CEP43: variants seen among roughly 807,000 people sequenced by gnomAD.
The protein encoded by CEP43 is centrosomal protein 43, also known as FGFR1 oncogene partner.
Under a neutral mutation model 52.6 loss-of-function variants are expected in CEP43, and 36 were observed. That is an observed-to-expected ratio of 0.68 (90% CI 0.52 to 0.90). The LOEUF (loss-of-function observed/expected upper bound fraction) is 0.90, where lower values mean the gene tolerates loss of function less well. Among genes scored for constraint, CEP43 ranks in the 40% least tolerant of loss-of-function variants. CEP43 has a pLI of 0.00. For missense variants in CEP43, 506 were observed against 472.8 expected, an observed-to-expected ratio of 1.07 and a Z score of -0.65; for synonymous variants, 192 against 172.4, an observed-to-expected ratio of 1.11 and a Z score of -0.89.
intron 12 of CEP43, chr6:167,036,501 G>T (rs1008407909): frequency 2.0e-6 from 2 of 985,300 alleles, no homozygotes; most frequent in Admixed American, 1.2e-4. Flanking sequence ...AGGGCCACAC[G>T]TTCCTAAGGG....
At chr6:167,009,232 A>G (rs972566515) in intron 5 of CEP43, among the ~76,000 whole-genome samples, 1 of 152,064 alleles carries the variant, frequency 6.6e-6, no homozygotes, top group Non-Finnish European at 1.5e-5. Flanking sequence ...TCTCTACCAA[A>G]ATACAAAAAA....
At chr6:167,012,305 G>A (rs1201151505) in intron 6 of CEP43, among the ~76,000 whole-genome samples, 9 of 151,972 alleles carry the variant, frequency 5.9e-5, no homozygotes, top group Admixed American at 3.9e-4. Context: ...AACAACTATT[G>A]TATTGTTTAT....
At position 167,050,503 on chromosome 6, in the gene CEP43, G is replaced by GT. The variant is rs964192794; in HGVS notation, c.*10526dup. 1.3e-5 allele frequency: 2 copies of GT among 152,212 alleles called. No homozygotes were observed. Among genetic ancestry groups the GT allele is most frequent in the African/African-American group, 4.8e-5 (2 of 41,426 alleles). 9.4% of individuals were successfully genotyped at this position (152,212 alleles called of 1,614,324 possible). ...ATTGAAAATGGGGCATTGGCCAGGC[G>GT]TGGTGGCTCACGCCTGTAATCCCAG... On this transcript the variant is annotated 3_prime_UTR_variant, in exon 13 of 13. Coordinates refer to ENST00000366847, the MANE Select transcript of CEP43 (RefSeq NM_007045.4).
chr6:167,004,768 A>G (rs1283160919), intron 5 of CEP43, among the ~76,000 whole-genome samples: 2 of 152,214 alleles, frequency 1.3e-5, no homozygotes, highest in East Asian at 1.9e-4. Flanking sequence ...TGCATAAGCC[A>G]ACAGAAGCAC....
chr6:167,032,722 C>A, intron 11 of CEP43, 80 bp downstream of exon 11: 2 of 1,248,896 alleles, frequency 1.6e-6, no homozygotes, highest in Non-Finnish European at 2.2e-6. Context: ...GACAAAATTA[C>A]ATTTGGTGCT....
chr6:167,028,315 G>T (rs929916435), intron 10 of CEP43: 2 of 985,376 alleles, frequency 2.0e-6, no homozygotes, highest in South Asian at 9.4e-5. Context: ...TGCTGGGGCT[G>T]CAGAGTTGCT....
In CEP43 at chr6:167,041,579, G is replaced by C. The variant is rs2128669522; in HGVS notation, c.*1601G>C. On this transcript the variant is annotated 3_prime_UTR_variant, in exon 13 of 13. Transcript: ENST00000366847. ...CACTTTCTAAAAGCACTATAGTTCT[G>C]GTCCCCTGGAATCTGGATCACATGT... 9.5e-7 allele frequency: 1 copy of C among 1,048,488 alleles called. No homozygotes were observed. The highest frequency in any genetic ancestry group is 5.5e-5 in the Admixed American group (1 of 18,142). The allele number at this position is 1,048,488 out of a possible 1,614,324, so 64.9% of individuals were successfully genotyped here. A position where few individuals can be genotyped will look rare whatever the true frequency, so the allele number is the denominator to read the frequency against.
chr6:167,005,217 C>T (rs1297569790), intron 5 of CEP43, among the ~76,000 whole-genome samples: 1 of 152,114 alleles, frequency 6.6e-6, no homozygotes, highest in Admixed American at 6.5e-5. Flanking sequence ...ATTGATAAAG[C>T]TTGCCTGAGT....
At chr6:167,007,007 C>T (rs1269102377) in intron 5 of CEP43, among the ~76,000 whole-genome samples, 1 of 152,192 alleles carries the variant, frequency 6.6e-6, no homozygotes, top group African/African-American at 2.4e-5. Context: ...TCAAGTTCTT[C>T]TTGCTCACTT....
chr6:167,030,137 C>T (rs988991280), intron 10 of CEP43, among the ~76,000 whole-genome samples: 1 of 152,216 alleles, frequency 6.6e-6, no homozygotes, highest in African/African-American at 2.4e-5. Context: ...TTAGCTTGGG[C>T]TCAGAGGCCT....
chr6:167,020,769 C>T (rs906201203), intron 7 of CEP43, among the ~76,000 whole-genome samples: 2 of 151,918 alleles, frequency 1.3e-5, no homozygotes, highest in African/African-American at 4.8e-5. Context: ...ATTAGCCAAG[C>T]GTGGTGGCAC....
rs71032896 is a variant in CEP43, at chr6:167,033,099, C to CTT, written c.1028+485_1028+486dup. On this transcript the variant is annotated intron_variant, in intron 11 of 12. Coordinates refer to ENST00000366847, the MANE Select transcript of CEP43 (RefSeq NM_007045.4). ...TCTGCCCTAATAAGATTGCCATTCT[C>CTT]TTTTTTTTTTTTTTTTTTTTTTTTT... 2.2e-3 allele frequency among the ~76,000 whole-genome samples: 152 copies of CTT among 68,344 alleles called. 14 individuals carry two copies. The highest frequency in any genetic ancestry group is 7.2e-3 in the African/African-American group (133 of 18,346). 44.8% of individuals were successfully genotyped at this position (68,344 alleles called of 152,430 possible).
At chr6:167,029,498 A>G (rs1353405163) in intron 10 of CEP43, among the ~76,000 whole-genome samples, 9 of 152,386 alleles carry the variant, frequency 5.9e-5, no homozygotes, top group East Asian at 1.9e-4. Context: ...TTCTCTGAGC[A>G]TTACGTCCCC....
intron 7 of CEP43, among the ~76,000 whole-genome samples, chr6:167,021,590 G>A (rs1022402909): frequency 2.6e-5 from 4 of 152,172 alleles, no homozygotes; most frequent in Admixed American, 2.0e-4. Context: ...GTGAAAGTCG[G>A]CTGTGAAGGT....
chr6:167,012,666 A>G lies in CEP43; in HGVS notation c.520-842A>G, dbSNP rs972020782. On this transcript the variant is annotated intron_variant, in intron 6 of 12. Transcript: ENST00000366847. The stretch of plus-strand genomic sequence containing the variant: ...ATGTATGTCTTCAGGGTAAAATATT[A>G]AAGTCTATTTTACGTACTCTTATTC... Among the ~76,000 whole-genome samples, 5 of 152,192 alleles carry G rather than the reference A, an allele frequency of 3.3e-5. 1 individual carries two copies. In the South Asian group the frequency reaches 6.2e-4, roughly 19 times the overall value.
At position 167,010,800 on chromosome 6, in the gene CEP43, TA is replaced by T; in HGVS notation, c.439-9del. ...TTTTAAATGTATTTTAATTTTAAAC[TA>T]AAATATTTTAGGGTGCACTTGATCT... On this transcript the variant is annotated splice_polypyrimidine_tract_variant and intron_variant, in intron 5 of 12. Coordinates refer to ENST00000366847, the MANE Select transcript of CEP43 (RefSeq NM_007045.4). 7.1e-7 allele frequency: 1 copy of T among 1,416,102 alleles called. No homozygotes were observed. The highest frequency in any genetic ancestry group is 9.5e-7 in the Non-Finnish European group (1 of 1,056,132). 87.7% of individuals were successfully genotyped at this position (1,416,102 alleles called of 1,614,324 possible).
intron 10 of CEP43, among the ~76,000 whole-genome samples, chr6:167,030,714 C>CT (rs765004439): frequency 2.0e-5 from 3 of 152,212 alleles, no homozygotes; most frequent in African/African-American, 4.8e-5. Flanking sequence ...TTGGCCTGGA[C>CT]TTTCTGACAG....
At position 166,999,996 on chromosome 6, in the gene CEP43, A is replaced by C. The variant is rs573337865; in HGVS notation, c.103-64A>C. On this transcript the variant is annotated intron_variant, in intron 1 of 12. Transcript: ENST00000366847. Reference sequence around the variant, plus strand: ...CTTGCTCGTGTTTGTTGCTGGATAAATGTGAGCTTGTTGTGAAAATTGTCT... The same window carrying C: ...CTTGCTCGTGTTTGTTGCTGGATAACTGTGAGCTTGTTGTGAAAATTGTCT... 72 of 1,415,576 alleles carry C rather than the reference A, an allele frequency of 5.1e-5. No homozygotes were observed. The East Asian group carries it at 1.6e-3, about 31-fold the overall frequency. 87.7% of individuals were successfully genotyped at this position (1,415,576 alleles called of 1,614,324 possible). A position where few individuals can be genotyped will look rare whatever the true frequency, so the allele number is the denominator to read the frequency against.
intron 12 of CEP43, among the ~76,000 whole-genome samples, chr6:167,037,191 GTTC>G (rs1264888482): frequency 1.2e-4 from 18 of 152,268 alleles, no homozygotes; most frequent in African/African-American, 4.3e-4. Flanking sequence ...AAATGAAACT[GTTC>G]TTCTTGGAAG....
Sources: allele counts gnomAD v4.1 joint callset (sites outside exome capture counted in the v4.1 genomes callset), GRCh38; gene constraint gnomAD v4.1.1; transcripts MANE v1.5; gene names NCBI Gene and HGNC (gene_info 2026-07-23, HGNC 2026-07-21).